FOXJ3: variants seen among roughly 807,000 people sequenced by gnomAD.
The protein encoded by FOXJ3 is forkhead box protein J3.
A neutral mutation model predicts 76.1 loss-of-function variants in FOXJ3; 22 were observed. The ratio of observed to expected loss-of-function variants is 0.29; its 90% CI spans 0.21 to 0.41. The LOEUF (loss-of-function observed/expected upper bound fraction) is 0.41, where lower values mean the gene tolerates loss of function less well. FOXJ3 is among the 10% of genes least tolerant of loss of function. The pLI, the probability that FOXJ3 is intolerant of heterozygous loss-of-function variation, is 1.00. For missense variants in FOXJ3, 613 were observed against 762.1 expected (o/e 0.80, Z 2.30); for synonymous variants, 269 against 261.2 (o/e 1.03, Z -0.29).
At chr1:42,260,039 A>G (rs940851603) in intron 4 of FOXJ3, among the ~76,000 whole-genome samples, 1 of 152,178 alleles carries the variant, frequency 6.6e-6, no homozygotes, top group Non-Finnish European at 1.5e-5. Context: ...CTTCAGTCCT[A>G]CTTCCTGTTT....
At position 42,205,364 on chromosome 1, in the gene FOXJ3, T is replaced by C. The variant is rs146257659; in HGVS notation, c.630+398A>G. Among the ~76,000 whole-genome samples the C allele has an allele frequency of 8.8e-3, 1,343 of 152,306 alleles. 10 individuals are homozygous for C. The highest frequency in any genetic ancestry group is 0.014 in the Non-Finnish European group (925 of 68,020). ...CATCCCAGTGAACTCTATGAGGCTG[T>C]CCAATTATTTATTTTACTAGATTCT... is the stretch of plus-strand genomic sequence containing the variant. On this transcript the variant is annotated intron_variant, in intron 6 of 12. Coordinates refer to ENST00000361346, the MANE Select transcript of FOXJ3 (RefSeq NM_014947.5).
At chr1:42,283,827 T>A (rs1049058163) in intron 2 of FOXJ3, among the ~76,000 whole-genome samples, 1 of 152,216 alleles carries the variant, frequency 6.6e-6, no homozygotes, top group Non-Finnish European at 1.5e-5. Flanking sequence ...TGGCAGAGAC[T>A]CCTATTGCCA....
In FOXJ3 at chr1:42,304,400, A is replaced by G. The variant is rs191780430; in HGVS notation, c.44+6650T>C. Among the ~76,000 whole-genome samples, 390 of 152,260 alleles carry G rather than the reference A, an allele frequency of 2.6e-3. 1 individual carries two copies. The highest frequency in any genetic ancestry group is 3.3e-3 in the Non-Finnish European group (226 of 67,996). On this transcript the variant is annotated intron_variant, in intron 2 of 12. Transcript: ENST00000361346. ...CATTCTTCACAGACATAGAAAAAAA[A>G]ATCCTAAAATTTATACGAAACCACC...
At chr1:42,262,055 C>T (rs1651082392) in intron 4 of FOXJ3, among the ~76,000 whole-genome samples, 1 of 152,126 alleles carries the variant, frequency 6.6e-6, no homozygotes, top group African/African-American at 2.4e-5. Flanking sequence ...GGGGTGAACA[C>T]CAGGCCTACT....
chr1:42,286,224 T>C (rs544900599), intron 2 of FOXJ3, among the ~76,000 whole-genome samples: 34 of 152,348 alleles, frequency 2.2e-4, no homozygotes, highest in African/African-American at 8.2e-4. Flanking sequence ...CTTAGGCTAT[T>C]TCCAAAGGAA....
chr1:42,207,317 AGTTTT>A (rs1046246608), intron 5 of FOXJ3, among the ~76,000 whole-genome samples: 13 of 152,280 alleles, frequency 8.5e-5, no homozygotes, highest in Admixed American at 7.2e-4. Flanking sequence ...CATCAGTTAT[AGTTTT>A]ATTTTTCTTC....
chr1:42,251,390 A>G lies in FOXJ3; in HGVS notation c.444+13725T>C, dbSNP rs558363156. ...AGTATACTGAGGATGAAATAAAGAT[A>G]TTTTCAGAGGAACAAAGGCCTATAG... On this transcript the variant is annotated intron_variant, in intron 4 of 12. Coordinates refer to ENST00000361346, the MANE Select transcript of FOXJ3 (RefSeq NM_014947.5). Among the ~76,000 whole-genome samples, 21 of 152,278 alleles carry G rather than the reference A, an allele frequency of 1.4e-4. No individual in the cohort carries two copies. In the East Asian group the frequency reaches 3.9e-3, roughly 28 times the overall value.
At chr1:42,312,883 A>G (rs1470416741) in intron 1 of FOXJ3, among the ~76,000 whole-genome samples, 2 of 152,200 alleles carry the variant, frequency 1.3e-5, no homozygotes, top group African/African-American at 4.8e-5. Flanking sequence ...GACAGCAGCA[A>G]TGTTCAGTTC....
At chr1:42,214,906 G>A (rs997689010) in intron 5 of FOXJ3, among the ~76,000 whole-genome samples, 1 of 152,206 alleles carries the variant, frequency 6.6e-6, no homozygotes, top group African/African-American at 2.4e-5. Context: ...ATACAGATCT[G>A]CATCAAAGTA....
intron 4 of FOXJ3, among the ~76,000 whole-genome samples, chr1:42,252,940 A>C (rs1235017098): frequency 2.0e-5 from 3 of 150,504 alleles, no homozygotes; most frequent in Non-Finnish European, 3.0e-5. Context: ...CCTATTCAAC[A>C]TAGTGTTGGA....
At chr1:42,311,532 G>C (rs1654809024) in intron 1 of FOXJ3, among the ~76,000 whole-genome samples, 1 of 152,100 alleles carries the variant, frequency 6.6e-6, no homozygotes, top group African/African-American at 2.4e-5. Flanking sequence ...CAACCCCCAA[G>C]TAAGTGCCCC....
At chr1:42,274,220 C>A (rs1449534662) in intron 3 of FOXJ3, among the ~76,000 whole-genome samples, 1 of 152,136 alleles carries the variant, frequency 6.6e-6, no homozygotes, top group Non-Finnish European at 1.5e-5. Context: ...CCAGAAAGCA[C>A]AGCTTAAATA....
chr1:42,232,937 A>G (rs992191116), intron 4 of FOXJ3, among the ~76,000 whole-genome samples: 94 of 151,370 alleles, frequency 6.2e-4, no homozygotes, highest in African/African-American at 1.9e-3. Context: ...GGTCTAACAT[A>G]TAAGTCTTTA....
intron 2 of FOXJ3, chr1:42,280,207 G>A: frequency 1.9e-6 from 1 of 520,308 alleles, no homozygotes; most frequent in Non-Finnish European, 2.5e-6. Context: ...AGTATCTTGG[G>A]AGGGCACCAA....
intron 7 of FOXJ3, among the ~76,000 whole-genome samples, chr1:42,198,057 A>C (rs1014767216): frequency 3.9e-5 from 6 of 152,114 alleles, no homozygotes; most frequent in African/African-American, 1.4e-4. Flanking sequence ...GGCTGACTGC[A>C]TAGATTTTTT....
In FOXJ3 at chr1:42,246,215, A is replaced by C. The variant is rs116171012; in HGVS notation, c.445-18249T>G. On this transcript the variant is annotated intron_variant, in intron 4 of 12. Coordinates refer to ENST00000361346, the MANE Select transcript of FOXJ3 (RefSeq NM_014947.5). Reference sequence around the variant, plus strand: ...AGCAAAGTAAATAATCAACGGAGTGAGGAGACAATCTGTTGGGTAGCAGAA... The same window carrying C: ...AGCAAAGTAAATAATCAACGGAGTGCGGAGACAATCTGTTGGGTAGCAGAA... 7.1e-3 allele frequency among the ~76,000 whole-genome samples: 1,077 copies of C among 152,334 alleles called. 21 individuals are homozygous for C. Among genetic ancestry groups the C allele is most frequent in the African/African-American group, 0.025 (1,041 of 41,574 alleles).
chr1:42,236,644 C>T (rs560181104), intron 4 of FOXJ3, among the ~76,000 whole-genome samples: 31 of 152,356 alleles, frequency 2.0e-4, no homozygotes, highest in African/African-American at 6.5e-4. Flanking sequence ...ATCTCCTTTG[C>T]GTGACTCAGG....
chr1:42,306,602 C>G (rs2124746914), intron 2 of FOXJ3, among the ~76,000 whole-genome samples: 1 of 151,996 alleles, frequency 6.6e-6, no homozygotes, highest in Middle Eastern at 3.4e-3. Flanking sequence ...GTGCCCGGTC[C>G]CACTCTCTGA....
At chr1:42,202,487 T>C (rs1646782203) in intron 6 of FOXJ3, among the ~76,000 whole-genome samples, 1 of 152,190 alleles carries the variant, frequency 6.6e-6, no homozygotes, top group South Asian at 2.1e-4. Flanking sequence ...AAGTTGCTGG[T>C]GGCAATCCGG....
Sources: allele counts gnomAD v4.1 joint callset (sites outside exome capture counted in the v4.1 genomes callset), GRCh38; gene constraint gnomAD v4.1.1; transcripts MANE v1.5; gene names NCBI Gene and HGNC (gene_info 2026-07-23, HGNC 2026-07-21).